BTLA: variants seen among roughly 807,000 people sequenced by gnomAD.
BTLA encodes B and T lymphocyte associated, also known as B- and T-lymphocyte attenuator.
A neutral mutation model predicts 25.0 loss-of-function variants in BTLA; 11 were observed. The observed-to-expected ratio is 0.44, with a 90% CI of 0.28 to 0.73. The LOEUF is 0.73. BTLA is among the 30% of genes least tolerant of loss of function. The pLI, the probability that BTLA is intolerant of heterozygous loss-of-function variation, is 0.15. For missense variants in BTLA, 282 were observed against 332.8 expected (o/e 0.85, Z 1.19); for synonymous variants, 104 against 119.8 (o/e 0.87, Z 0.86).
intron 1 of BTLA, among the ~76,000 whole-genome samples, chr3:112,490,738 A>C (rs919694958): frequency 9.3e-4 from 7 of 7,546 alleles, no homozygotes; most frequent in Admixed American, 2.6e-3. Flanking sequence ...TTAAAAAAAA[A>C]AAGCAACCAT....
At position 112,469,646 on chromosome 3, in the gene BTLA, TATAG is replaced by T. The variant is rs1415530338; in HGVS notation, c.594+108_594+111del. The T allele has an allele frequency of 6.5e-5, 29 of 446,844 alleles. No homozygotes were observed. The East Asian group carries it at 1.4e-3, about 22-fold the overall frequency. 27.7% of individuals were successfully genotyped at this position (446,844 alleles called of 1,614,324 possible). On this transcript the variant is annotated intron_variant, in intron 4 of 4. Coordinates refer to ENST00000334529, the MANE Select transcript of BTLA (RefSeq NM_181780.4). ...ATATATATATATATATATATATATA[TATAG>T]TACATAGAATAATGCCTGGCACATG...
intron 4 of BTLA, 46 bp from the exon 5 acceptor site, chr3:112,466,429 G>A: frequency 6.7e-7 from 1 of 1,489,328 alleles, no homozygotes; most frequent in East Asian, 2.3e-5. Flanking sequence ...TACGGCCATG[G>A]TAGTGCATAT....
At chr3:112,475,862 G>A (rs1204971105) in intron 2 of BTLA, among the ~76,000 whole-genome samples, 2 of 151,614 alleles carry the variant, frequency 1.3e-5, no homozygotes, top group Admixed American at 1.3e-4. Flanking sequence ...TTAATATTTT[G>A]CAGATTTTCC....
At chr3:112,477,463 T>C (rs974613671) in intron 2 of BTLA, among the ~76,000 whole-genome samples, 1 of 152,064 alleles carries the variant, frequency 6.6e-6, no homozygotes, top group African/African-American at 2.4e-5. Context: ...TTTTTTCATA[T>C]GTTTATTGGC....
At chr3:112,466,958 CTTTTT>C (rs869038641) in intron 4 of BTLA, among the ~76,000 whole-genome samples, 1 of 40,812 alleles carries the variant, frequency 2.5e-5, no homozygotes, top group East Asian at 4.4e-4. Flanking sequence ...GAAAATTCTT[CTTTTT>C]TTTTTTTTTT....
rs781410475 is a variant in BTLA at position 112,479,493 on chromosome 3, T to C, written c.365A>G (p.Asn122Ser). Reference sequence around the variant, plus strand: ...AGTTGTTGAGTGGCTTTCAATGAGATTAGACTGAAAATTTGCAGAACAGCG... The same window carrying C: ...AGTTGTTGAGTGGCTTTCAATGAGACTAGACTGAAAATTTGCAGAACAGCG... ...SYRCSANFQS[N>S]LIESHSTTLY... Residue 122 changes from asparagine (N) to serine (S), a missense_variant, in exon 2 of 5, where the codon AAT becomes AGT. This residue lies in a region of BTLA where 163 missense variants were observed against 230.4 expected (regional missense o/e 0.71). Coordinates refer to ENST00000334529, the MANE Select transcript of BTLA (RefSeq NM_181780.4). 3 of 1,613,796 alleles carry C rather than the reference T, an allele frequency of 1.9e-6. No individual in the cohort carries two copies. Among genetic ancestry groups the C allele is most frequent in the Admixed American group, 3.3e-5 (2 of 60,004 alleles).
At position 112,486,585 on chromosome 3, in the gene BTLA, A is replaced by G. The variant is rs1283745022; in HGVS notation, c.89-6816T>C. On this transcript the variant is annotated intron_variant, in intron 1 of 4. Coordinates refer to ENST00000334529, the MANE Select transcript of BTLA (RefSeq NM_181780.4). The stretch of plus-strand genomic sequence containing the variant: ...TATAGTCTGATATAATAGTTTATGT[A>G]AATAGTTGTCCAATAACTAATAAAT... Among the ~76,000 whole-genome samples, 5 of 152,348 alleles carry G rather than the reference A, an allele frequency of 3.3e-5. No homozygotes were observed. The South Asian group carries it at 1.0e-3, about 32-fold the overall frequency.
At position 112,466,130 on chromosome 3, in the gene BTLA, G is replaced by T; in HGVS notation, c.848C>A (p.Ala283Glu). The T allele has an allele frequency of 6.2e-7, 1 of 1,605,770 alleles. No homozygotes were observed. Among genetic ancestry groups the T allele is most frequent in the Non-Finnish European group, 8.5e-7 (1 of 1,173,530 alleles). ...RNVKEAPTEY[A>E]SICVRS ...GACTTAACTCCTCACACATATGGAT[G>T]CATATTCTGTTGGTGCTTCTTTTAC... The change falls in exon 5 of 5, where the codon GCA becomes GAA. Residue 283 changes from alanine (A) to glutamate (E), a missense_variant. Around this residue, in one of 2 missense-constraint regions of BTLA, gnomAD observed 119 missense variants for 102.3 expected, o/e 1.16. Transcript: ENST00000334529.
chr3:112,478,687 C>T (rs1380530796), intron 2 of BTLA, among the ~76,000 whole-genome samples: 1 of 152,126 alleles, frequency 6.6e-6, no homozygotes, highest in Non-Finnish European at 1.5e-5. Context: ...AAGCAAGGAT[C>T]CATGTCTTGT....
intron 1 of BTLA, among the ~76,000 whole-genome samples, chr3:112,491,605 G>A (rs913118467): frequency 1.5e-4 from 23 of 152,190 alleles, no homozygotes; most frequent in Non-Finnish European, 2.4e-4. Flanking sequence ...CTCTTATCCA[G>A]TAGGGTTGTT....
intron 1 of BTLA, among the ~76,000 whole-genome samples, chr3:112,498,851 T>A (rs182450734): frequency 6.6e-6 from 1 of 152,156 alleles, no homozygotes; most frequent in African/African-American, 2.4e-5. Flanking sequence ...ATAATTCCGA[T>A]TATCCAACAA....
intron 4 of BTLA, among the ~76,000 whole-genome samples, chr3:112,466,882 A>C (rs1323633469): frequency 6.6e-6 from 1 of 152,184 alleles, no homozygotes; most frequent in African/African-American, 2.4e-5. Context: ...AATTGATGTC[A>C]GTTTTGGAAA....
In BTLA at chr3:112,466,078, C is replaced by A; in HGVS notation, c.*30G>T. 1 of 1,530,824 alleles carries A rather than the reference C, an allele frequency of 6.5e-7. No individual in the cohort carries two copies. The highest frequency in any genetic ancestry group is 8.8e-7 in the Non-Finnish European group (1 of 1,130,740). The allele number at this position is 1,530,824 out of a possible 1,614,324, so 94.8% of individuals were successfully genotyped here. On this transcript the variant is annotated 3_prime_UTR_variant, in exon 5 of 5. Transcript: ENST00000334529. ...CAATGATGTCAACATGCTGATCATT[C>A]AATGGTCCCTGTTGGAGTCAGAAAC...
intron 1 of BTLA, among the ~76,000 whole-genome samples, chr3:112,482,870 A>G (rs906315153): frequency 6.6e-6 from 1 of 152,142 alleles, no homozygotes; most frequent in African/African-American, 2.4e-5. Flanking sequence ...GACTTAGGAC[A>G]AAAAAAGTAA....
Position 112,469,900 on chromosome 3 carries a change from A to C in BTLA, c.548-96T>G, listed in dbSNP as rs540912903. 153 of 973,680 alleles carry C rather than the reference A, an allele frequency of 1.6e-4. 1 individual carries two copies. In the South Asian group the frequency reaches 2.0e-3, roughly 13 times the overall value. 60.3% of individuals were successfully genotyped at this position (973,680 alleles called of 1,614,324 possible). ...ATGCTTATCCTGTTGAATGCCAGGG[A>C]TAGTGTTGTTAGTTTTGGCTTGTTA... On this transcript the variant is annotated intron_variant, in intron 3 of 4. Transcript: ENST00000334529.
At chr3:112,494,761 G>C (rs1053087894) in intron 1 of BTLA, among the ~76,000 whole-genome samples, 10 of 152,112 alleles carry the variant, frequency 6.6e-5, no homozygotes, top group Non-Finnish European at 1.2e-4. Context: ...TGGGGAGTAG[G>C]GGGAGAGGAG....
intron 1 of BTLA, among the ~76,000 whole-genome samples, chr3:112,499,057 T>C (rs1223882700): frequency 2.0e-5 from 3 of 152,224 alleles, no homozygotes; most frequent in African/African-American, 4.8e-5. Context: ...AGCCAAGCTA[T>C]TGATGCGATG....
intron 1 of BTLA, among the ~76,000 whole-genome samples, chr3:112,498,078 A>G (rs896241845): frequency 6.6e-6 from 1 of 152,172 alleles, no homozygotes; most frequent in African/African-American, 2.4e-5. Context: ...TAGATGTTAT[A>G]AATAGTTAAG....
chr3:112,466,053 C>A lies in BTLA; in HGVS notation c.*55G>T. Reference sequence around the variant, plus strand: ...TATTTGACATCCTGTTGAGCCCAGACAATGATGTCAACATGCTGATCATTC... The same window carrying A: ...TATTTGACATCCTGTTGAGCCCAGAAAATGATGTCAACATGCTGATCATTC... On this transcript the variant is annotated 3_prime_UTR_variant, in exon 5 of 5. Transcript: ENST00000334529. 6.8e-7 allele frequency: 1 copy of A among 1,463,634 alleles called. No individual in the cohort carries two copies. Among genetic ancestry groups the A allele is most frequent in the Non-Finnish European group, 9.2e-7 (1 of 1,090,832 alleles). 90.7% of individuals were successfully genotyped at this position (1,463,634 alleles called of 1,614,324 possible). A position where few individuals can be genotyped will look rare whatever the true frequency, so the allele number is the denominator to read the frequency against.
Sources: allele counts gnomAD v4.1 joint callset (sites outside exome capture counted in the v4.1 genomes callset), GRCh38; gene constraint gnomAD v4.1.1; regional missense constraint gnomAD v4.1.1; transcripts MANE v1.5; gene names NCBI Gene and HGNC (gene_info 2026-07-23, HGNC 2026-07-21).